PHF20: variants seen among roughly 807,000 people sequenced by gnomAD.
PHF20 encodes the protein PHD finger protein 20.
A neutral mutation model predicts 113.5 loss-of-function variants in PHF20; 23 were observed. The observed-to-expected ratio is 0.20, with a 90% CI of 0.15 to 0.29. The LOEUF (loss-of-function observed/expected upper bound fraction) is 0.29. PHF20 is among the 10% of genes least tolerant of loss of function. PHF20 has a pLI of 1.00. For missense variants in PHF20, 943 were observed against 1,219.6 expected, an observed-to-expected ratio of 0.77 and a Z score of 3.38; for synonymous variants, 434 against 457.3, an observed-to-expected ratio of 0.95 and a Z score of 0.65.
intron 6 of PHF20, among the ~76,000 whole-genome samples, chr20:35,867,820 C>T (rs1054658862): frequency 6.6e-6 from 1 of 151,938 alleles, no homozygotes; most frequent in Non-Finnish European, 1.5e-5. Context: ...CTTTTCCTCC[C>T]ATTTACTTCT....
chr20:35,916,506 C>T (rs1462584683), intron 12 of PHF20, among the ~76,000 whole-genome samples: 1 of 152,216 alleles, frequency 6.6e-6, no homozygotes, highest in African/African-American at 2.4e-5. Flanking sequence ...CTCACTCTGT[C>T]ACCCAGGCTG....
At chr20:35,795,238 C>G (rs1378340887) in intron 1 of PHF20, among the ~76,000 whole-genome samples, 3 of 150,916 alleles carry the variant, frequency 2.0e-5, no homozygotes, top group Non-Finnish European at 4.4e-5. Flanking sequence ...TTATTGAGTA[C>G]CTACTTGTTT....
At chr20:35,807,017 G>A (rs887282902) in intron 2 of PHF20, among the ~76,000 whole-genome samples, 17 of 151,758 alleles carry the variant, frequency 1.1e-4, no homozygotes, top group East Asian at 1.9e-4. Flanking sequence ...GGATGGTCTC[G>A]ATCTCCTGAC....
intron 2 of PHF20, among the ~76,000 whole-genome samples, chr20:35,829,831 G>A (rs934835902): frequency 6.6e-5 from 10 of 151,914 alleles, no homozygotes; most frequent in African/African-American, 2.4e-4. Flanking sequence ...TGTCTCTCCT[G>A]GCCTCAAGCA....
intron 2 of PHF20, chr20:35,838,367 A>G (rs1207867475): frequency 6.6e-6 from 1 of 152,188 alleles, no homozygotes; most frequent in Non-Finnish European, 1.5e-5. Context: ...GCTTAAAACT[A>G]TCCAGTTCCC....
intron 2 of PHF20, among the ~76,000 whole-genome samples, chr20:35,828,457 G>C (rs556277270): frequency 2.6e-5 from 4 of 152,038 alleles, no homozygotes; most frequent in Non-Finnish European, 5.9e-5. Context: ...TGGTATATAG[G>C]GGGGAACAAA....
At chr20:35,885,928 T>G (rs1230423880) in intron 9 of PHF20, among the ~76,000 whole-genome samples, 1 of 152,138 alleles carries the variant, frequency 6.6e-6, no homozygotes, top group Non-Finnish European at 1.5e-5. Context: ...GGCTGCCAAA[T>G]GGTGATATCT....
intron 17 of PHF20, among the ~76,000 whole-genome samples, chr20:35,946,955 G>A (rs796577017): frequency 5.9e-5 from 9 of 152,174 alleles, no homozygotes; most frequent in South Asian, 2.1e-4. Flanking sequence ...TGATCTGCCC[G>A]CCTCGACCTC....
intron 2 of PHF20, among the ~76,000 whole-genome samples, chr20:35,804,484 C>T (rs2041845718): frequency 6.6e-6 from 1 of 152,080 alleles, no homozygotes. Flanking sequence ...GATCCACCCT[C>T]CTCGGTCTCC....
At chr20:35,859,266 G>A (rs901052337) in intron 5 of PHF20, among the ~76,000 whole-genome samples, 5 of 152,104 alleles carry the variant, frequency 3.3e-5, no homozygotes, top group Admixed American at 6.6e-5. Context: ...GCATAGATAC[G>A]GGCCATCTAG....
chr20:35,785,492 A>C (rs1195067357), intron 1 of PHF20, among the ~76,000 whole-genome samples: 6 of 151,164 alleles, frequency 4.0e-5, no homozygotes, highest in African/African-American at 1.5e-4. Flanking sequence ...GCTAATTTTT[A>C]TATTTTTAGT....
intron 2 of PHF20, among the ~76,000 whole-genome samples, chr20:35,825,711 C>T (rs1193603122): frequency 2.0e-5 from 3 of 147,150 alleles, no homozygotes; most frequent in Non-Finnish European, 4.5e-5. Context: ...TGGCTATTTA[C>T]GAGTGCCATG....
chr20:35,826,044 A>G (rs2042255751), intron 2 of PHF20, among the ~76,000 whole-genome samples: 1 of 151,908 alleles, frequency 6.6e-6, no homozygotes, highest in Admixed American at 6.6e-5. Context: ...TGCATTTTAT[A>G]TATGTATGTA....
At chr20:35,791,471 ATCTATCTATCT>A (rs1395177555) in intron 1 of PHF20, among the ~76,000 whole-genome samples, 1 of 133,350 alleles carries the variant, frequency 7.5e-6, no homozygotes, top group South Asian at 2.2e-4. Context: ...CTATCTATCT[ATCTATCTATCT>A]ATCTATCTAT....
chr20:35,779,481 A>G (rs761668985), intron 1 of PHF20, among the ~76,000 whole-genome samples: 2 of 151,312 alleles, frequency 1.3e-5, no homozygotes, highest in African/African-American at 2.4e-5. Context: ...TCTCTTTCTC[A>G]TATGGAAAAA....
intron 2 of PHF20, among the ~76,000 whole-genome samples, chr20:35,812,722 A>C (rs909554484): frequency 6.6e-6 from 1 of 152,146 alleles, no homozygotes; most frequent in African/African-American, 2.4e-5. Context: ...TGGATAAGGT[A>C]ATGACTTCCA....
chr20:35,779,547 G>A (rs549749223), intron 1 of PHF20, among the ~76,000 whole-genome samples: 1 of 150,692 alleles, frequency 6.6e-6, no homozygotes, highest in South Asian at 2.1e-4. Context: ...TTGTTGAGGC[G>A]GAGTCTCACT....
chr20:35,868,696 T>A (rs1029410806), intron 6 of PHF20, among the ~76,000 whole-genome samples: 1 of 152,240 alleles, frequency 6.6e-6, no homozygotes, highest in East Asian at 1.9e-4. Flanking sequence ...TGCTAAATTA[T>A]GTCAGAGCTG....
intron 2 of PHF20, among the ~76,000 whole-genome samples, chr20:35,807,252 C>T (rs536788936): frequency 3.3e-5 from 5 of 151,528 alleles, no homozygotes; most frequent in African/African-American, 9.7e-5. Flanking sequence ...ACTTTATGAA[C>T]TTTAGTGATG....
Sources: allele counts gnomAD v4.1 joint callset (sites outside exome capture counted in the v4.1 genomes callset), GRCh38; gene constraint gnomAD v4.1.1; transcripts MANE v1.5; gene names NCBI Gene and HGNC (gene_info 2026-07-23, HGNC 2026-07-21).